SYTL3: variants seen among roughly 807,000 people sequenced by gnomAD.
The protein encoded by SYTL3 is synaptotagmin-like protein 3.
SYTL3 carries 88 observed loss-of-function variants against 82.1 expected under a neutral mutation model. The observed-to-expected ratio is 1.07, with a 90% CI of 0.90 to 1.28. The LOEUF (loss-of-function observed/expected upper bound fraction) is 1.28. SYTL3 is among the 50% of genes most tolerant of loss of function. The probability of loss-of-function intolerance (pLI) is 0.00; values close to 1 mark genes in which losing one functional copy is unlikely to be tolerated. For synonymous variants in SYTL3, 311 were observed against 289.4 expected (o/e 1.07, Z -0.76); for missense variants, 831 against 757.6 (o/e 1.10, Z -1.14).
chr6:158,663,473 C>T (rs1306177725), intron 4 of SYTL3, 95 bp downstream of exon 4: 1 of 1,529,708 alleles, frequency 6.5e-7, no homozygotes, highest in African/African-American at 1.4e-5. Context: ...TTACAAATCA[C>T]TACCCACCTG....
At chr6:158,666,698 G>A (rs143938961) in intron 5 of SYTL3, among the ~76,000 whole-genome samples, 2 of 152,360 alleles carry the variant, frequency 1.3e-5, no homozygotes, top group Admixed American at 1.3e-4. Context: ...CTTACACAGT[G>A]TGGGCATTGT....
In SYTL3 at chr6:158,720,099, A is replaced by G. The variant is rs116627399; in HGVS notation, c.720+1888A>G. Among the ~76,000 whole-genome samples, 863 of 151,208 alleles carry G rather than the reference A, an allele frequency of 5.7e-3. 7 individuals carry two copies. The highest frequency in any genetic ancestry group is 0.02 in the African/African-American group (820 of 41,130). On this transcript the variant is annotated intron_variant, in intron 10 of 17. Transcript: ENST00000611299. ...GTGAAACCCTGTCTCAAATAATAAT[A>G]AATTAAAAATTTTAAAAATTGGCCG...
At chr6:158,673,842 G>C (rs1180705937) in intron 5 of SYTL3, among the ~76,000 whole-genome samples, 1 of 150,982 alleles carries the variant, frequency 6.6e-6, no homozygotes, top group Non-Finnish European at 1.5e-5. Flanking sequence ...CCAGCACTTT[G>C]GGAGGCCGAG....
In SYTL3 at chr6:158,734,355, T is replaced by C. The variant is rs549323955; in HGVS notation, c.855+8718T>C. Among the ~76,000 whole-genome samples the C allele has an allele frequency of 9.2e-5, 14 of 152,146 alleles. 1 individual carries two copies. In the South Asian group the frequency reaches 2.7e-3, roughly 29 times the overall value. On this transcript the variant is annotated intron_variant, in intron 11 of 17. Coordinates refer to ENST00000611299, the MANE Select transcript of SYTL3 (RefSeq NM_001242394.2). The stretch of plus-strand genomic sequence containing the variant: ...TCCTTCAAGGGCCAGAATCACATCC[T>C]TGTAGCCCTAGAAACCAACACATAG...
At chr6:158,708,800 A>G (rs1782422735) in intron 8 of SYTL3, among the ~76,000 whole-genome samples, 1 of 152,060 alleles carries the variant, frequency 6.6e-6, no homozygotes, top group South Asian at 2.1e-4. Flanking sequence ...GTGGACCAGC[A>G]CCATTTCTGT....
At chr6:158,646,343 T>C (rs970958509), upstream of SYTL3, among the ~76,000 whole-genome samples, 2 of 152,108 alleles carry the variant, frequency 1.3e-5, no homozygotes, top group East Asian at 1.9e-4. Context: ...TTTTTTAATA[T>C]GTCTTTTGTA....
chr6:158,740,396 T>C (rs2171210), intron 11 of SYTL3, among the ~76,000 whole-genome samples: 29,568 of 152,170 alleles, frequency 0.19, 3,347 homozygotes, highest in Non-Finnish European at 0.26. Flanking sequence ...TGGAGAAATA[T>C]ATTCTTTTCA....
intron 8 of SYTL3, among the ~76,000 whole-genome samples, chr6:158,710,780 TTTTTGC>T (rs1782676322): frequency 6.6e-6 from 1 of 151,610 alleles, no homozygotes; most frequent in South Asian, 2.1e-4. Flanking sequence ...GCTTTTTTTT[TTTTTGC>T]TTTTTTCTTT....
At chr6:158,693,515 GTGGAGATTACAGGTGCA>G (rs1459811805) in intron 6 of SYTL3, among the ~76,000 whole-genome samples, 1 of 152,166 alleles carries the variant, frequency 6.6e-6, no homozygotes, top group Non-Finnish European at 1.5e-5. Flanking sequence ...CTCCTGAGTA[GTGGAGATTACAGGTGCA>G]TGCCACTACA....
At chr6:158,656,521 C>T (rs537080118) in intron 2 of SYTL3, among the ~76,000 whole-genome samples, 1 of 152,180 alleles carries the variant, frequency 6.6e-6, no homozygotes, top group South Asian at 2.1e-4. Context: ...GTCAGGAGAT[C>T]GAGACCATCC....
At chr6:158,678,748 G>T (rs1778336132) in intron 5 of SYTL3, among the ~76,000 whole-genome samples, 1 of 152,138 alleles carries the variant, frequency 6.6e-6, no homozygotes, top group Non-Finnish European at 1.5e-5. Context: ...TCATGGGTCA[G>T]GTCTCCTGAT....
intron 6 of SYTL3, among the ~76,000 whole-genome samples, chr6:158,699,955 G>T (rs1304257010): frequency 1.2e-5 from 1 of 83,344 alleles, no homozygotes; most frequent in African/African-American, 5.7e-5. Flanking sequence ...TCAAAAAAAA[G>T]AATAATAAAA....
intron 2 of SYTL3, among the ~76,000 whole-genome samples, chr6:158,660,306 C>T (rs947519624): frequency 1.3e-5 from 2 of 152,134 alleles, no homozygotes; most frequent in Non-Finnish European, 2.9e-5. Flanking sequence ...CAAAAAAACC[C>T]GGAACAGCGC....
chr6:158,691,898 G>A (rs1439328942), intron 6 of SYTL3, among the ~76,000 whole-genome samples: 2 of 149,488 alleles, frequency 1.3e-5, no homozygotes, highest in Non-Finnish European at 3.0e-5. Flanking sequence ...TGATCGGCCC[G>A]CCTCGGCCTC....
intron 5 of SYTL3, among the ~76,000 whole-genome samples, chr6:158,673,013 C>T (rs978629550): frequency 2.6e-5 from 4 of 152,096 alleles, no homozygotes; most frequent in African/African-American, 9.7e-5. Context: ...TCACTGCAGC[C>T]TCCAACGCCT....
chr6:158,762,013 T>C (rs1301978818), intron 15 of SYTL3, 63 bp from the exon 16 acceptor site: 3 of 1,191,592 alleles, frequency 2.5e-6, no homozygotes, highest in Non-Finnish European at 3.7e-6. Context: ...TTTGGGGTGG[T>C]GGTACTGCAT....
chr6:158,685,010 A>G (rs918388329), intron 6 of SYTL3, among the ~76,000 whole-genome samples: 6 of 152,080 alleles, frequency 3.9e-5, no homozygotes, highest in Non-Finnish European at 8.8e-5. Flanking sequence ...AGTTGCTACC[A>G]TAACCTTTTG....
intron 2 of SYTL3, among the ~76,000 whole-genome samples, chr6:158,656,619 G>A (rs1168689148): frequency 6.6e-6 from 1 of 152,152 alleles, no homozygotes; most frequent in African/African-American, 2.4e-5. Context: ...CAGCTACTCA[G>A]GAGGCTGAGG....
chr6:158,727,010 C>T (rs1006698557), intron 11 of SYTL3, among the ~76,000 whole-genome samples: 17 of 151,496 alleles, frequency 1.1e-4, no homozygotes, highest in Admixed American at 2.6e-4. Flanking sequence ...CCACCACACC[C>T]GGCTAATTTT....
Sources: gnomAD v4.1 joint callset for allele counts (sites outside exome capture counted in the v4.1 genomes callset) on GRCh38, gnomAD v4.1.1 for gene constraint, MANE v1.5 for transcripts, NCBI Gene and HGNC (gene_info 2026-07-23, HGNC 2026-07-21) for gene names.